Variants in ZMAT4 observed in about 807,000 individuals in gnomAD.
ZMAT4 encodes the protein zinc finger matrin-type protein 4.
ZMAT4 carries 17 observed loss-of-function variants against 28.7 expected under a neutral mutation model. The observed-to-expected ratio is 0.59, with a 90% CI of 0.41 to 0.89. The LOEUF (loss-of-function observed/expected upper bound fraction) is 0.89. Among genes scored for constraint, ZMAT4 ranks in the 40% least tolerant of loss-of-function variants. ZMAT4 has a pLI of 0.00. For synonymous variants in ZMAT4, 117 were observed against 109.2 expected (o/e 1.07, Z -0.44); for missense variants, 240 against 283.8 (o/e 0.85, Z 1.11).
intron 1 of ZMAT4, among the ~76,000 whole-genome samples, chr8:40,847,018 C>A (rs987219881): frequency 9.9e-5 from 15 of 151,950 alleles, no homozygotes; most frequent in African/African-American, 3.1e-4. Flanking sequence ...ACCAGCCTAG[C>A]CAACATGGTG....
rs376271452 is a variant in ZMAT4 at position 40,890,008 on chromosome 8, T to C, written c.-5+7675A>G. ...GCAACACTGGATATTACATTATCAT[T>C]TTTAATTTCTGCTAATCTGTTAAAT... On this transcript the variant is annotated intron_variant, in intron 1 of 6. Coordinates refer to ENST00000297737, the MANE Select transcript of ZMAT4 (RefSeq NM_024645.3). Among the ~76,000 whole-genome samples the C allele has an allele frequency of 2.5e-4, 38 of 152,336 alleles. 1 individual carries two copies. Among genetic ancestry groups the C allele is most frequent in the African/African-American group, 8.4e-4 (35 of 41,580 alleles).
At chr8:40,789,138 C>T (rs1814220482) in intron 2 of ZMAT4, among the ~76,000 whole-genome samples, 1 of 151,716 alleles carries the variant, frequency 6.6e-6, no homozygotes. Flanking sequence ...ATCAACATTG[C>T]AACTGTGGAA....
At chr8:40,798,306 C>T (rs1814680071) in intron 2 of ZMAT4, among the ~76,000 whole-genome samples, 1 of 152,224 alleles carries the variant, frequency 6.6e-6, no homozygotes, top group Non-Finnish European at 1.5e-5. Flanking sequence ...CCCTGGCAAA[C>T]ATTTATCAAG....
intron 5 of ZMAT4, among the ~76,000 whole-genome samples, chr8:40,590,008 C>CCTTCCTTCCTTCCTTCCTTT: frequency 8.3e-6 from 1 of 120,342 alleles, no homozygotes; most frequent in Non-Finnish European, 1.7e-5. Context: ...TTCCTTCCTT[C>CCTTCCTTCCTTCCTTCCTTT]CTTCCTTCCT....
At chr8:40,836,706 C>CT (rs35822097) in intron 1 of ZMAT4, among the ~76,000 whole-genome samples, 22,242 of 152,128 alleles carry the variant, frequency 0.15, 1,695 homozygotes, top group Non-Finnish European at 0.17. Context: ...AGATACAACT[C>CT]TAAAAATGTT....
At chr8:40,781,606 C>CA (rs1813827716) in intron 2 of ZMAT4, among the ~76,000 whole-genome samples, 2 of 149,282 alleles carry the variant, frequency 1.3e-5, no homozygotes, top group Admixed American at 6.7e-5. Flanking sequence ...ACTAAAAATA[C>CA]AAAAAATTAG....
At chr8:40,655,081 C>CACAG (rs1033307093) in intron 5 of ZMAT4, among the ~76,000 whole-genome samples, 4 of 151,728 alleles carry the variant, frequency 2.6e-5, no homozygotes, top group Admixed American at 6.6e-5. Context: ...CACACACACA[C>CACAG]AGCACATAAA....
chr8:40,726,331 T>C (rs1811317021), intron 3 of ZMAT4, among the ~76,000 whole-genome samples: 1 of 152,244 alleles, frequency 6.6e-6, no homozygotes, highest in African/African-American at 2.4e-5. Context: ...ATCGTGGGCT[T>C]TTCTAGACAA....
At chr8:40,850,590 T>G (rs1369358651) in intron 1 of ZMAT4, among the ~76,000 whole-genome samples, 3 of 152,216 alleles carry the variant, frequency 2.0e-5, no homozygotes, top group African/African-American at 7.2e-5. Flanking sequence ...AGGCACACAA[T>G]AGGCACTTGG....
intron 2 of ZMAT4, among the ~76,000 whole-genome samples, chr8:40,795,790 A>C (rs1437132247): frequency 2.6e-5 from 4 of 152,252 alleles, no homozygotes; most frequent in African/African-American, 9.6e-5. Context: ...ATTCTTGAGC[A>C]TCCAAAGGGA....
At chr8:40,538,243 C>T (rs974335020) in intron 6 of ZMAT4, among the ~76,000 whole-genome samples, 9 of 152,120 alleles carry the variant, frequency 5.9e-5, no homozygotes, top group African/African-American at 2.2e-4. Flanking sequence ...TTGTTTTAAC[C>T]CAGACATTCC....
intron 3 of ZMAT4, 86 bp downstream of exon 3, chr8:40,767,555 G>A (rs1813214133): frequency 9.1e-7 from 1 of 1,093,928 alleles, no homozygotes; most frequent in South Asian, 1.6e-5. Context: ...CTATGAATCT[G>A]GACTAGACTA....
chr8:40,723,417 C>A (rs572015381), intron 3 of ZMAT4, among the ~76,000 whole-genome samples: 15 of 151,960 alleles, frequency 9.9e-5, no homozygotes, highest in Non-Finnish European at 1.8e-4. Flanking sequence ...GTGGCAGGCA[C>A]CTGTAATCCC....
intron 4 of ZMAT4, among the ~76,000 whole-genome samples, chr8:40,677,300 T>C (rs1306292677): frequency 6.6e-6 from 1 of 151,906 alleles, no homozygotes; most frequent in East Asian, 1.9e-4. Flanking sequence ...AAAGGATTTT[T>C]TTTTTTTTTT....
intron 4 of ZMAT4, among the ~76,000 whole-genome samples, chr8:40,680,528 C>T (rs149803028): frequency 1.3e-5 from 2 of 152,258 alleles, no homozygotes; most frequent in East Asian, 3.9e-4. Flanking sequence ...TGTCAGACCA[C>T]CAGGTGGGCG....
rs1046809132 is a variant in ZMAT4, at chr8:40,745,366, A to G, written c.192+22275T>C. ...AGGGTTCTATTTCGAAGGTATTTAA[A>G]AGCAAACTACAAGCAAGTAATTCAA... is the stretch of plus-strand genomic sequence containing the variant. On this transcript the variant is annotated intron_variant, in intron 3 of 6. Coordinates refer to ENST00000297737, the MANE Select transcript of ZMAT4 (RefSeq NM_024645.3). Among the ~76,000 whole-genome samples, 18 of 152,304 alleles carry G rather than the reference A, an allele frequency of 1.2e-4. No homozygotes were observed. The South Asian group carries it at 2.7e-3, about 23-fold the overall frequency.
chr8:40,667,028 A>T (rs1348024689), intron 5 of ZMAT4, among the ~76,000 whole-genome samples: 1 of 152,166 alleles, frequency 6.6e-6, no homozygotes, highest in African/African-American at 2.4e-5. Flanking sequence ...CACAGACTGC[A>T]CGCATGGCGC....
At chr8:40,570,565 T>C (rs980169974) in intron 6 of ZMAT4, among the ~76,000 whole-genome samples, 2 of 152,180 alleles carry the variant, frequency 1.3e-5, no homozygotes, top group Middle Eastern at 3.4e-3. Flanking sequence ...CCAGGTGTGC[T>C]GATGTGCGCC....
chr8:40,654,502 C>G (rs1807830613), intron 5 of ZMAT4, among the ~76,000 whole-genome samples: 1 of 151,962 alleles, frequency 6.6e-6, no homozygotes, highest in African/African-American at 2.4e-5. Flanking sequence ...ATAAAGTCAT[C>G]ACACAAAAAA....
Sources: gnomAD v4.1 joint callset for allele counts (sites outside exome capture counted in the v4.1 genomes callset) on GRCh38, gnomAD v4.1.1 for gene constraint, MANE v1.5 for transcripts, NCBI Gene and HGNC (gene_info 2026-07-23, HGNC 2026-07-21) for gene names.